Variants in MYBBP1A observed in about 807,000 individuals in gnomAD.
The protein encoded by MYBBP1A is myb-binding protein 1A.
Under a neutral mutation model 136.3 loss-of-function variants are expected in MYBBP1A, and 147 were observed. That is an observed-to-expected ratio of 1.08 (90% CI 0.94 to 1.24). MYBBP1A has a LOEUF of 1.24. MYBBP1A is among the 50% of genes most tolerant of loss of function. The probability of loss-of-function intolerance (pLI) is 0.00; values close to 1 mark genes in which losing one functional copy is unlikely to be tolerated. For synonymous variants in MYBBP1A, 947 were observed against 735.8 expected, an observed-to-expected ratio of 1.29 and a Z score of -4.65; for missense variants, 2,060 against 1,727.4, an observed-to-expected ratio of 1.19 and a Z score of -3.41.
At position 4,544,600 on chromosome 17, in the gene MYBBP1A, G is replaced by A. The variant is rs141433157; in HGVS notation, c.2528C>T (p.Ala843Val). The change falls in exon 19 of 26, where the codon GCC becomes GTC. Residue 843 changes from alanine to valine, a missense_variant. Transcript: ENST00000254718. ...EVLVTKQPEN[A>V]LVLELLEPLL... is the part of the protein sequence containing the mutation. Reference sequence around the variant, plus strand: ...CGGCTCCAGCAGCTCCAGGACCAGGGCATTCTCGGGCTGCTTGGTCACTAG... The same window carrying A: ...CGGCTCCAGCAGCTCCAGGACCAGGACATTCTCGGGCTGCTTGGTCACTAG... 1.3e-6 allele frequency: 2 copies of A among 1,583,864 alleles called. No homozygotes were observed. The highest frequency in any genetic ancestry group is 8.6e-7 in the Non-Finnish European group (1 of 1,165,394).
Position 4,539,344 on chromosome 17 carries a change from T to TTAAAA in MYBBP1A, c.*70_*71insTTTTA, listed in dbSNP as rs1175919027. On this transcript the variant is annotated 3_prime_UTR_variant, in exon 26 of 26. Coordinates refer to ENST00000254718, the MANE Select transcript of MYBBP1A (RefSeq NM_014520.4). ...CAGCTTGCGTATTAAAATCATGGTT[T>TTAAAA]AAAAAAAAAAAAAAAAAATAGGCGT... is the stretch of plus-strand genomic sequence containing the variant. 3 of 1,402,344 alleles carry TTAAAA rather than the reference T, an allele frequency of 2.1e-6. No homozygotes were observed. Among genetic ancestry groups the TTAAAA allele is most frequent in the South Asian group, 1.5e-5 (1 of 64,722 alleles). 86.9% of individuals were successfully genotyped at this position (1,402,344 alleles called of 1,614,324 possible).
At position 4,550,088 on chromosome 17, in the gene MYBBP1A, T is replaced by C. The variant is rs975610245; in HGVS notation, c.1289A>G (p.Gln430Arg). The C allele has an allele frequency of 1.9e-6, 3 of 1,613,346 alleles. No homozygotes were observed. In the African/African-American group the frequency reaches 4.0e-5, roughly 22 times the overall value. ...DSLVDFSTNN[Q>R]KKAQDSSLHM... Reference sequence around the variant, plus strand: ...GAGCGATGAATCCTGGGCTTTCTTCTGGTTGTTGGTGCTGAAGTCAACCAA... The same window carrying C: ...GAGCGATGAATCCTGGGCTTTCTTCCGGTTGTTGGTGCTGAAGTCAACCAA... Residue 430 changes from glutamine to arginine, a missense_variant, in exon 9 of 26, where the codon CAG (glutamine) becomes CGG (arginine). Coordinates refer to ENST00000254718, the MANE Select transcript of MYBBP1A (RefSeq NM_014520.4).
At position 4,540,901 on chromosome 17, in the gene MYBBP1A, CCTCA is replaced by C. The variant is rs553300076; in HGVS notation, c.3298-421_3298-418del. ...TCCGGGAGCCCTGCTCTCCTGGCTTCCTCACTATCAGCCAGTTTTGTAAGGCCCC... is the reference window on the plus strand; with the variant it reads ...TCCGGGAGCCCTGCTCTCCTGGCTTCCTATCAGCCAGTTTTGTAAGGCCCC... On this transcript the variant is annotated intron_variant, in intron 24 of 25. Transcript: ENST00000254718. 2.7e-3 allele frequency among the ~76,000 whole-genome samples: 363 copies of C among 135,206 alleles called. 2 individuals carry two copies. The highest frequency in any genetic ancestry group is 4.0e-3 in the Non-Finnish European group (238 of 59,190). 88.7% of individuals were successfully genotyped at this position (135,206 alleles called of 152,430 possible).
chr17:4,540,467 C>A lies in MYBBP1A; in HGVS notation c.3315G>T (p.Leu1105=). 6.2e-7 allele frequency: 1 copy of A among 1,610,126 alleles called. No homozygotes were observed. Among genetic ancestry groups the A allele is most frequent in the Non-Finnish European group, 8.5e-7 (1 of 1,179,338 alleles). Residue 1105 remains leucine (L), a synonymous_variant, in exon 25 of 26, where the codon CTG becomes CTT. Coordinates refer to ENST00000254718, the MANE Select transcript of MYBBP1A (RefSeq NM_014520.4). ...CCTGCAGCACACCCAGGAGCACCGT[C>A]AGGTCCAAGGTCAGCTTCTGCAGAG... ...TCKHEKLTLD[L]TVLLGVLQGQ...
intron 13 of MYBBP1A, among the ~76,000 whole-genome samples, chr17:4,547,293 G>C (rs1907095716): frequency 6.6e-6 from 1 of 152,160 alleles, no homozygotes; most frequent in African/African-American, 2.4e-5. Context: ...AAGGCTGGGG[G>C]CAGGCTCCAC....
Position 4,549,346 on chromosome 17 carries a change from A to C in MYBBP1A, c.1416T>G (p.Thr472=). Residue 472 remains threonine, a synonymous_variant, in exon 10 of 26, where the codon ACT becomes ACG. Coordinates refer to ENST00000254718, the MANE Select transcript of MYBBP1A (RefSeq NM_014520.4). ...ACAGCTCGCACCTGGCCACCTGCTC[A>C]GTCAAGGCCTCCTCCATCTCCAGGT... is the stretch of plus-strand genomic sequence containing the variant. The part of the protein sequence containing the change: ...SLHLEMEEAL[T]EQVARFCLFH... The C allele has an allele frequency of 6.2e-7, 1 of 1,612,114 alleles. No homozygotes were observed. The highest frequency in any genetic ancestry group is 8.5e-7 in the Non-Finnish European group (1 of 1,179,912).
Position 4,554,285 on chromosome 17 carries a change from G to A in MYBBP1A, c.295-7C>T, listed in dbSNP as rs2306270. ...CTTCAAAAGACTGTAACAGCTGCCA[G>A]GAGTTGTGTGGCAGGAGGAAGAGGG... On this transcript the variant is annotated splice_region_variant and splice_polypyrimidine_tract_variant and intron_variant, in intron 2 of 25. Transcript: ENST00000254718. 177,210 of 1,612,738 alleles carry A rather than the reference G, an allele frequency of 0.11. 12,578 individuals carry two copies. The highest frequency in any genetic ancestry group is 0.39 in the East Asian group (17,576 of 44,848).
chr17:4,553,762 C>T (rs763873149), intron 5 of MYBBP1A, 48 bp downstream of exon 5: 1 of 1,450,172 alleles, frequency 6.9e-7, no homozygotes, highest in Non-Finnish European at 9.7e-7. Flanking sequence ...CCCTTGATGT[C>T]TCTGTAACAA....
Position 4,545,334 on chromosome 17 carries a change from G to C in MYBBP1A, c.2085C>G (p.Pro695=). The change falls in exon 16 of 26, where the codon CCC becomes CCG. Residue 695 remains proline (P), a synonymous_variant. Coordinates refer to ENST00000254718, the MANE Select transcript of MYBBP1A (RefSeq NM_014520.4). ...GGTCATTCTCATCCTCACTGGTCTC[G>C]GGGTTCAGCACCTGGGGAGGGGTGC... ...ALQLILDVLN[P]ETSEDENDRV... 7 of 1,612,960 alleles carry C rather than the reference G, an allele frequency of 4.3e-6. No individual in the cohort carries two copies. The highest frequency in any genetic ancestry group is 5.9e-6 in the Non-Finnish European group (7 of 1,179,920).
intron 14 of MYBBP1A, 25 bp downstream of exon 14, chr17:4,545,821 G>A (rs200683552): frequency 6.2e-7 from 1 of 1,611,806 alleles, no homozygotes; most frequent in African/African-American, 1.3e-5. Flanking sequence ...CACCACTCTA[G>A]TCCCTCTCGT....
intron 13 of MYBBP1A, chr17:4,547,610 G>C (rs566459467): frequency 1.7e-5 from 4 of 240,924 alleles, no homozygotes; most frequent in Admixed American, 1.6e-4. Context: ...GGGAAGAACC[G>C]AGCGGGAGAG....
intron 15 of MYBBP1A, 66 bp downstream of exon 15, chr17:4,545,544 C>T (rs544581164): frequency 2.5e-4 from 375 of 1,530,552 alleles, no homozygotes; most frequent in Non-Finnish European, 1.3e-4. Flanking sequence ...TGAAGCGGCA[C>T]CCCTGGTGCA....
At chr17:4,543,339 T>C (rs973833171) in intron 19 of MYBBP1A, 174 bp from the exon 20 acceptor site, 7 of 859,546 alleles carry the variant, frequency 8.1e-6, no homozygotes, top group Non-Finnish European at 1.2e-5. Flanking sequence ...CTGGAAGCTG[T>C]GTGGGCTCAG....
chr17:4,545,541 G>A, intron 15 of MYBBP1A, 69 bp downstream of exon 15: 1 of 1,526,206 alleles, frequency 6.6e-7, no homozygotes, highest in South Asian at 1.3e-5. Context: ...GGCTGAAGCG[G>A]CACCCCTGGT....
chr17:4,539,979 T>C lies in MYBBP1A; in HGVS notation c.3435-12A>G, dbSNP rs1458068987. Reference sequence around the variant, plus strand: ...CCAACTTGGGGCGCCTGAAGGGAAGTGAGCAAGGTTAGAAGGTGCCCATCG... The same window carrying C: ...CCAACTTGGGGCGCCTGAAGGGAAGCGAGCAAGGTTAGAAGGTGCCCATCG... On this transcript the variant is annotated splice_polypyrimidine_tract_variant and intron_variant, in intron 25 of 25. Transcript: ENST00000254718. The C allele has an allele frequency of 6.3e-7, 1 of 1,596,676 alleles. No individual in the cohort carries two copies.
At position 4,552,344 on chromosome 17, in the gene MYBBP1A, G is replaced by A. The variant is rs1403350541; in HGVS notation, c.738-52C>T. On this transcript the variant is annotated intron_variant, in intron 6 of 25. Coordinates refer to ENST00000254718, the MANE Select transcript of MYBBP1A (RefSeq NM_014520.4). This position sits in a 1 kb window ranked among gnomAD's most constrained non-coding sequence, Gnocchi z 4.7. ...CACTTGCCTCACAGGCAAGGGCCAG[G>A]GTGACAAGAGCAGCCGGGACACCCC... 12 of 1,609,678 alleles carry A rather than the reference G, an allele frequency of 7.5e-6. No individual in the cohort carries two copies. In the East Asian group the frequency reaches 1.1e-4, roughly 15 times the overall value.
At chr17:4,547,753 T>C (rs1323447276) in intron 13 of MYBBP1A, 2 of 492,872 alleles carry the variant, frequency 4.1e-6, no homozygotes, top group Non-Finnish European at 7.1e-6. Flanking sequence ...AGATCCTGCA[T>C]GGAAAGCCTA....
Position 4,545,090 on chromosome 17 carries a change from T to C in MYBBP1A, c.2246A>G (p.Asp749Gly). 6.3e-7 allele frequency: 1 copy of C among 1,585,996 alleles called. No individual in the cohort carries two copies. The highest frequency in any genetic ancestry group is 8.6e-7 in the Non-Finnish European group (1 of 1,167,966). ...CCGGAAGCCCTGATCCACGTCCCCG[T>C]CGCGCTCCTCCTCCTCGCTCTCCTC... ...EGEESEEEER[D>G]GDVDQGFREQ... The change falls in exon 17 of 26, where the codon GAC becomes GGC. Residue 749 changes from aspartate to glycine, a missense_variant. Physicochemically the swap from Asp to Gly is moderately conservative, Grantham distance 94 (BLOSUM62 -1). Coordinates refer to ENST00000254718, the MANE Select transcript of MYBBP1A (RefSeq NM_014520.4).
Position 4,543,082 on chromosome 17 carries a change from A to G in MYBBP1A, c.2723T>C (p.Val908Ala). The change falls in exon 20 of 26, where the codon GTG becomes GCG. Residue 908 changes from valine to alanine, a missense_variant. Coordinates refer to ENST00000254718, the MANE Select transcript of MYBBP1A (RefSeq NM_014520.4). ...GALHAQVERL[V>A]QQAGRQPDSP... ...GTCGGGCTGGCGGCCAGCCTGCTGC[A>G]CCAACCGCTCCACCTGGGCGTGCAG... 3.1e-6 allele frequency: 5 copies of G among 1,613,108 alleles called. No individual in the cohort carries two copies. In the East Asian group the frequency reaches 8.9e-5, roughly 29 times the overall value.
Sources: gnomAD v4.1 joint callset for allele counts (sites outside exome capture counted in the v4.1 genomes callset) on GRCh38, gnomAD v4.1.1 for gene constraint, Gnocchi (gnomAD v3.1) non-coding constraint, MANE v1.5 for transcripts, NCBI Gene and HGNC (gene_info 2026-07-23, HGNC 2026-07-21) for gene names.